The following AHSA1 variants were observed in gnomAD, a reference collection of about 807,000 sequenced individuals.
AHSA1 encodes activator of HSP90 ATPase activity 1, also known as activator of 90 kDa heat shock protein ATPase homolog 1.
A neutral mutation model predicts 46.1 loss-of-function variants in AHSA1; 14 were observed. The ratio of observed to expected loss-of-function variants is 0.30; its 90% confidence interval spans 0.20 to 0.47. The LOEUF is 0.47. Among genes scored for constraint, AHSA1 ranks in the 20% least tolerant of loss-of-function variants. The probability of loss-of-function intolerance (pLI) is 0.99; values close to 1 mark genes in which losing one functional copy is unlikely to be tolerated. For missense variants in AHSA1, 333 were observed against 415.9 expected (o/e 0.80, Z 1.73); for synonymous variants, 147 against 145.8 (o/e 1.01, Z -0.06).
intron 4 of AHSA1, among the ~76,000 whole-genome samples, chr14:77,463,549 G>GCAC (rs2079034708): frequency 7.1e-6 from 1 of 140,242 alleles, no homozygotes; most frequent in South Asian, 2.3e-4. Flanking sequence ...ACGCGCCATT[G>GCAC]CACTCCAGCC....
chr14:77,464,891 AGAGCAAGTAG>A (rs2079041459), intron 5 of AHSA1, among the ~76,000 whole-genome samples: 1 of 152,204 alleles, frequency 6.6e-6, no homozygotes, highest in African/African-American at 2.4e-5. Flanking sequence ...GCAGACCTTT[AGAGCAAGTAG>A]GAGCTATCAG....
chr14:77,464,778 C>T (rs2079040909), intron 5 of AHSA1, 92 bp downstream of exon 5: 4 of 1,147,934 alleles, frequency 3.5e-6, no homozygotes, highest in Non-Finnish European at 5.0e-6. Context: ...GTGTCCCTAA[C>T]CTCTAAGCCA....
At position 77,468,072 on chromosome 14, in the gene AHSA1, T is replaced by C; in HGVS notation, c.691-11T>C. ...GCCTCTTTTTTTTTTTTTTTTTTTT[T>C]TTCCCTGCAGCTGGTGCAGGCCTTT... On this transcript the variant is annotated splice_polypyrimidine_tract_variant and intron_variant, in intron 6 of 8. Transcript: ENST00000216479. 7.1e-7 allele frequency: 1 copy of C among 1,403,332 alleles called. No homozygotes were observed. Among genetic ancestry groups the C allele is most frequent in the Non-Finnish European group, 9.4e-7 (1 of 1,058,518 alleles). The allele number at this position is 1,403,332 out of a possible 1,614,324, so 86.9% of individuals were successfully genotyped here.
At chr14:77,460,947 C>T (rs1244599970) in intron 2 of AHSA1, among the ~76,000 whole-genome samples, 1 of 151,800 alleles carries the variant, frequency 6.6e-6, no homozygotes, top group African/African-American at 2.4e-5. Context: ...ATCACGAGGT[C>T]AGGAGATCAA....
rs375473429 is a variant in AHSA1 at position 77,461,126 on chromosome 14, T to A, written c.272-1034T>A. Among the ~76,000 whole-genome samples the A allele has an allele frequency of 8.6e-5, 13 of 152,034 alleles. No homozygotes were observed. The East Asian group carries it at 2.3e-3, about 27-fold the overall frequency. On this transcript the variant is annotated intron_variant, in intron 2 of 8. Transcript: ENST00000216479. ...GTGAGCTGGGATCGCACCGTTGCACTCCAGCCTGGGCAACAGAGTGAGACT... is the reference window on the plus strand; with the variant it reads ...GTGAGCTGGGATCGCACCGTTGCACACCAGCCTGGGCAACAGAGTGAGACT...
Position 77,458,143 on chromosome 14 carries a change from G to A in AHSA1, c.-47G>A, listed in dbSNP as rs1195272848. 2 of 1,486,898 alleles carry A rather than the reference G, an allele frequency of 1.3e-6. No individual in the cohort carries two copies. The highest frequency in any genetic ancestry group is 8.9e-7 in the Non-Finnish European group (1 of 1,117,704). 92.1% of individuals were successfully genotyped at this position (1,486,898 alleles called of 1,614,324 possible). On this transcript the variant is annotated 5_prime_UTR_variant, in exon 1 of 9. In the 5' UTR this introduces an upstream ATG that the reference lacks. Transcript: ENST00000216479. Reference sequence around the variant, plus strand: ...GCTGGCACTAAGCGGTCCTGAGGCTGTGGCTACGGCTGCTCCGGAGCTGGT... The same window carrying A: ...GCTGGCACTAAGCGGTCCTGAGGCTATGGCTACGGCTGCTCCGGAGCTGGT...
chr14:77,458,453 GTGTT>G (rs2078999265), intron 1 of AHSA1, among the ~76,000 whole-genome samples, 184 bp downstream of exon 1: 1 of 152,032 alleles, frequency 6.6e-6, no homozygotes, highest in Non-Finnish European at 1.5e-5. Context: ...CACCTTCTCA[GTGTT>G]TGAGGGGAGG....
At chr14:77,465,758 G>C in intron 6 of AHSA1, 91 bp downstream of exon 6, 1 of 1,375,540 alleles carries the variant, frequency 7.3e-7, no homozygotes, top group Non-Finnish European at 9.9e-7. Flanking sequence ...GTACAGAAGA[G>C]GTACTCACAA....
chr14:77,468,338 C>T, intron 7 of AHSA1, 119 bp from the exon 8 acceptor site: 1 of 1,196,588 alleles, frequency 8.4e-7, no homozygotes, highest in Non-Finnish European at 1.2e-6. Context: ...TTTGAACTGT[C>T]TTGCAAGTAA....
At position 77,468,168 on chromosome 14, in the gene AHSA1, G is replaced by A; in HGVS notation, c.776G>A (p.Gly259Glu). ...KFHMVDGNVS[G>E]EFTDLVPEKH... is the part of the protein sequence containing the mutation. ...CACATGGTAGATGGCAACGTCTCTG[G>A]GGAATTTACTGATCTGGTGAGTACC... Residue 259 changes from glycine (G) to glutamate (E), a missense_variant, in exon 7 of 9, where the codon GGG becomes GAG. By Grantham distance (98) the Gly-to-Glu change is moderately conservative (BLOSUM62 -2). Coordinates refer to ENST00000216479, the MANE Select transcript of AHSA1 (RefSeq NM_012111.3). 1 of 1,558,918 alleles carries A rather than the reference G, an allele frequency of 6.4e-7. No homozygotes were observed. Among genetic ancestry groups the A allele is most frequent in the Non-Finnish European group, 8.7e-7 (1 of 1,149,978 alleles).
intron 6 of AHSA1, 30 bp from the exon 7 acceptor site, chr14:77,468,051 CTT>C (rs34989956): frequency 0.018 from 12,164 of 677,472 alleles, no homozygotes; most frequent in Middle Eastern, 0.021. Flanking sequence ...TCTTCTGCCT[CTT>C]TTTTTTTTTT....
intron 2 of AHSA1, among the ~76,000 whole-genome samples, chr14:77,461,389 G>A (rs1024172007): frequency 1.3e-5 from 2 of 152,130 alleles, no homozygotes; most frequent in African/African-American, 4.8e-5. Flanking sequence ...AATTAGCCGT[G>A]TGTAGTGGCA....
rs778383905 is a variant in AHSA1, at chr14:77,462,710, G to C, written c.423G>C (p.Val141=). 6.2e-7 allele frequency: 1 copy of C among 1,614,128 alleles called. No individual in the cohort carries two copies. The change falls in exon 4 of 9, where the codon GTG becomes GTC. Residue 141 remains valine, a synonymous_variant. Coordinates refer to ENST00000216479, the MANE Select transcript of AHSA1 (RefSeq NM_012111.3). ...NLVALMKEEG[V]KLLREAMGIY... ...TGGCCTTAATGAAGGAAGAAGGGGT[G>C]AAACTTCTAAGAGAAGCAATGGGAA...
At chr14:77,468,909 T>C (rs1306698213) in intron 8 of AHSA1, 168 bp from the exon 9 acceptor site, 1 of 726,000 alleles carries the variant, frequency 1.4e-6, no homozygotes, top group South Asian at 1.7e-5. Flanking sequence ...AGTTTCACCA[T>C]GTTAGCCAGG....
intron 8 of AHSA1, chr14:77,468,860 G>C (rs936905480): frequency 1.6e-6 from 1 of 639,478 alleles, no homozygotes; most frequent in African/African-American, 1.8e-5. Flanking sequence ...GGGATTACAG[G>C]TGCATGCCAC....
chr14:77,462,091 G>A (rs961023805), intron 2 of AHSA1, 69 bp from the exon 3 acceptor site: 13 of 1,216,172 alleles, frequency 1.1e-5, no homozygotes, highest in Admixed American at 1.8e-5. Context: ...TGAGGTAGCA[G>A]TTAGGACCCT....
rs2079012662 is a variant in AHSA1 at position 77,459,628 on chromosome 14, T to G, written c.93T>G (p.Asp31Glu). Residue 31 changes from aspartate to glutamate, a missense_variant, in exon 2 of 9, where the codon GAT (aspartate) becomes GAG (glutamate). By Grantham distance (45) the Asp-to-Glu change is conservative (BLOSUM62 2). Coordinates refer to ENST00000216479, the MANE Select transcript of AHSA1 (RefSeq NM_012111.3). Reference sequence around the variant, plus strand: ...TTCTGCTTTGCAGGACGGAGAGAGATGCTTCAAATTGGTCCACGGATAAGC... The same window carrying G: ...TTCTGCTTTGCAGGACGGAGAGAGAGGCTTCAAATTGGTCCACGGATAAGC... ...NVNNWHWTER[D>E]ASNWSTDKLK... is the part of the protein sequence containing the mutation. The G allele has an allele frequency of 1.2e-6, 2 of 1,614,226 alleles. No homozygotes were observed. The highest frequency in any genetic ancestry group is 1.7e-6 in the Non-Finnish European group (2 of 1,180,036).
At chr14:77,468,229 G>C (rs1273750554) in intron 7 of AHSA1, 45 bp downstream of exon 7, 1 of 1,320,288 alleles carries the variant, frequency 7.6e-7, no homozygotes, top group Admixed American at 2.4e-5. Flanking sequence ...CCTCTGGTCA[G>C]ATGAGTGACA....
intron 4 of AHSA1, among the ~76,000 whole-genome samples, chr14:77,463,591 AAAAAAAAAC>A (rs2079035175): frequency 7.1e-6 from 1 of 140,676 alleles, no homozygotes; most frequent in African/African-American, 2.5e-5. Flanking sequence ...ATCTCAAAAA[AAAAAAAAAC>A]AAAAAAAAAA....
Sources: allele counts gnomAD v4.1 joint callset (sites outside exome capture counted in the v4.1 genomes callset), GRCh38; gene constraint gnomAD v4.1.1; transcripts MANE v1.5; gene names NCBI Gene and HGNC (gene_info 2026-07-23, HGNC 2026-07-21).